Variants in TRAPPC8 observed in about 807,000 individuals in gnomAD.
The protein encoded by TRAPPC8 is trafficking protein particle complex subunit 8, also known as general sporulation gene 1 homolog.
In TRAPPC8, 54 loss-of-function variants were observed where a neutral mutation model predicts 174.3. That is an observed-to-expected ratio of 0.31 (90% CI 0.25 to 0.39). The LOEUF (loss-of-function observed/expected upper bound fraction) is 0.39. Ranked by LOEUF, TRAPPC8 falls within the 10% of genes least tolerant of loss-of-function variation. The pLI is 1.00. For missense variants in TRAPPC8, 1,531 were observed against 1,699.1 expected, an observed-to-expected ratio of 0.90 and a Z score of 1.74; for synonymous variants, 630 against 579.9, an observed-to-expected ratio of 1.09 and a Z score of -1.24.
Position 31,867,429 on chromosome 18 carries a change from G to A in TRAPPC8, c.2436C>T (p.Phe812=). 1 of 1,609,400 alleles carries A rather than the reference G, an allele frequency of 6.2e-7. No homozygotes were observed. Among genetic ancestry groups the A allele is most frequent in the South Asian group, 1.1e-5 (1 of 90,738 alleles). Residue 812 remains phenylalanine, a synonymous_variant, in exon 17 of 29, where the codon TTC becomes TTT. Transcript: ENST00000283351. ...CTTTTGATTCTTCGCCATTAATTAA[G>A]AACTCTGAAATAACTTCAGCTCCAA... ...EMIGAEVISE[F]LINGEESKVA...
Position 31,932,018 on chromosome 18 carries a change from C to T in TRAPPC8, c.158-495G>A, listed in dbSNP as rs528636850. ...AAAAATCAATGCCCACACCAGTGCA[C>T]GATGCTGTGGTGGAGGCTGTGCATG... On this transcript the variant is annotated intron_variant, in intron 1 of 28. Transcript: ENST00000283351. 2.0e-5 allele frequency among the ~76,000 whole-genome samples: 3 copies of T among 152,278 alleles called. No individual in the cohort carries two copies. In the East Asian group the frequency reaches 5.8e-4, roughly 29 times the overall value.
chr18:31,867,813 A>T (rs927399653), intron 16 of TRAPPC8, among the ~76,000 whole-genome samples: 5 of 152,080 alleles, frequency 3.3e-5, no homozygotes, highest in African/African-American at 9.7e-5. Context: ...CGGGAGGTGG[A>T]GGTTGCAGTG....
At chr18:31,897,753 C>A in intron 11 of TRAPPC8, 33 bp downstream of exon 11, 3 of 1,408,224 alleles carry the variant, frequency 2.1e-6, no homozygotes, top group East Asian at 2.5e-5. Context: ...AAGAACAATG[C>A]TAATTAAAGC....
intron 4 of TRAPPC8, among the ~76,000 whole-genome samples, chr18:31,914,668 A>C (rs1035850682): frequency 5.3e-5 from 8 of 152,224 alleles, no homozygotes; most frequent in African/African-American, 1.9e-4. Context: ...GCGGGTAATG[A>C]TTATTAAACT....
At chr18:31,905,876 C>A (rs1042258525) in intron 9 of TRAPPC8, among the ~76,000 whole-genome samples, 1 of 152,004 alleles carries the variant, frequency 6.6e-6, no homozygotes, top group East Asian at 1.9e-4. Context: ...CTTGCAGGTA[C>A]ATTAAATAAA....
chr18:31,874,250 A>G, intron 13 of TRAPPC8: 2 of 495,064 alleles, frequency 4.0e-6, no homozygotes, highest in Non-Finnish European at 7.0e-6. Context: ...GATTCTAAGA[A>G]CAGCCACAAA....
At chr18:31,862,392 A>G (rs1249413894) in intron 19 of TRAPPC8, among the ~76,000 whole-genome samples, 1 of 152,006 alleles carries the variant, frequency 6.6e-6, no homozygotes, top group Non-Finnish European at 1.5e-5. Flanking sequence ...GAAAGAAATA[A>G]GGAAATATTA....
chr18:31,932,352 G>A (rs140774909), intron 1 of TRAPPC8, among the ~76,000 whole-genome samples: 8,991 of 151,610 alleles, frequency 0.059, 286 homozygotes, highest in Middle Eastern at 0.11. Context: ...GCTTGAATCC[G>A]GGAGGCGGAG....
At chr18:31,910,224 A>G (rs1458749485) in intron 5 of TRAPPC8, among the ~76,000 whole-genome samples, 3 of 152,126 alleles carry the variant, frequency 2.0e-5, no homozygotes, top group African/African-American at 7.2e-5. Context: ...GAAGTGTTTT[A>G]GAAAAATATC....
intron 12 of TRAPPC8, among the ~76,000 whole-genome samples, chr18:31,880,100 T>TG (rs2035358757): frequency 1.5e-5 from 1 of 66,146 alleles, no homozygotes; most frequent in African/African-American, 6.6e-5. Flanking sequence ...AATATATATA[T>TG]ATATATATAT....
At chr18:31,896,608 G>T (rs572301653) in intron 11 of TRAPPC8, among the ~76,000 whole-genome samples, 5 of 152,222 alleles carry the variant, frequency 3.3e-5, no homozygotes, top group Admixed American at 1.3e-4. Context: ...TTGGAAACAC[G>T]CAAGTAGATA....
chr18:31,894,112 G>A (rs1217361541), intron 11 of TRAPPC8, among the ~76,000 whole-genome samples: 1 of 152,178 alleles, frequency 6.6e-6, no homozygotes, highest in Non-Finnish European at 1.5e-5. Flanking sequence ...TATTAATTTG[G>A]CTGAAACAAA....
At chr18:31,883,135 A>T (rs1380600963) in intron 12 of TRAPPC8, among the ~76,000 whole-genome samples, 1 of 150,992 alleles carries the variant, frequency 6.6e-6, no homozygotes, top group African/African-American at 2.4e-5. Flanking sequence ...AGGCAGGAGA[A>T]TCACTTGAAC....
intron 2 of TRAPPC8, among the ~76,000 whole-genome samples, chr18:31,921,618 C>CAAA (rs34622423): frequency 1.6e-5 from 1 of 61,838 alleles, no homozygotes; most frequent in Admixed American, 1.9e-4. Context: ...GACTCCGTCT[C>CAAA]AAAAAAAAAA....
chr18:31,928,338 C>CAT (rs2037711911), intron 2 of TRAPPC8, among the ~76,000 whole-genome samples: 1 of 101,168 alleles, frequency 9.9e-6, no homozygotes, highest in African/African-American at 8.8e-5. Flanking sequence ...CTTATCTCTA[C>CAT]ACACACACAC....
intron 22 of TRAPPC8, 29 bp from the exon 23 acceptor site, chr18:31,852,692 TGTTTCTCA>T: frequency 6.3e-7 from 1 of 1,578,480 alleles, no homozygotes; most frequent in Non-Finnish European, 8.7e-7. Flanking sequence ...ATTTCAAAGA[TGTTTCTCA>T]GTTCATCACA....
chr18:31,930,623 T>C (rs564975760), intron 2 of TRAPPC8, among the ~76,000 whole-genome samples: 4 of 152,226 alleles, frequency 2.6e-5, no homozygotes, highest in Non-Finnish European at 4.4e-5. Flanking sequence ...ATACTTCTAA[T>C]TCACTTTACA....
chr18:31,872,152 G>A (rs1049637734), intron 14 of TRAPPC8, among the ~76,000 whole-genome samples: 2 of 151,946 alleles, frequency 1.3e-5, no homozygotes, highest in African/African-American at 4.8e-5. Context: ...ATGTCTATGT[G>A]TACACATTAT....
intron 2 of TRAPPC8, among the ~76,000 whole-genome samples, 194 bp downstream of exon 2, chr18:31,931,135 T>C (rs2037827627): frequency 6.6e-6 from 1 of 152,242 alleles, no homozygotes; most frequent in South Asian, 2.1e-4. Flanking sequence ...ATTATGCATA[T>C]GTTCTAGATA....
Sources: gnomAD v4.1 joint callset for allele counts (sites outside exome capture counted in the v4.1 genomes callset) on GRCh38, gnomAD v4.1.1 for gene constraint, MANE v1.5 for transcripts, NCBI Gene and HGNC (gene_info 2026-07-23, HGNC 2026-07-21) for gene names.